Variants in OR52N2 observed in about 807,000 individuals in gnomAD.
OR52N2 encodes olfactory receptor 52N2.
For synonymous variants in OR52N2, 129 were observed against 72.0 expected (o/e 1.79, Z -4.01); for missense variants, 326 against 196.6 (o/e 1.66, Z -3.94).
intron 1 of OR52N2, among the ~76,000 whole-genome samples, chr11:5,816,728 C>T (rs564216882): frequency 9.9e-5 from 15 of 152,104 alleles, no homozygotes; most frequent in South Asian, 2.1e-4. Context: ...TTAGTGGAGA[C>T]GGGTTTCACC....
At chr11:5,809,709 ATT>A (rs1268865102) in intron 1 of OR52N2, among the ~76,000 whole-genome samples, 6 of 152,140 alleles carry the variant, frequency 3.9e-5, no homozygotes, top group African/African-American at 1.4e-4. Flanking sequence ...CTGAAAAATG[ATT>A]ACCATTGCCC....
chr11:5,818,439 A>T (rs1846420710), intron 1 of OR52N2, among the ~76,000 whole-genome samples: 1 of 152,112 alleles, frequency 6.6e-6, no homozygotes, highest in African/African-American at 2.4e-5. Context: ...GAAATTCCCC[A>T]GGGAAACAAA....
intron 1 of OR52N2, among the ~76,000 whole-genome samples, chr11:5,818,030 T>C (rs528671730): frequency 6.6e-6 from 1 of 152,296 alleles, no homozygotes; most frequent in East Asian, 1.9e-4. Flanking sequence ...CTCCATATCA[T>C]CTGCAATTTA....
chr11:5,811,032 G>A (rs961253449), intron 1 of OR52N2, among the ~76,000 whole-genome samples: 4 of 150,992 alleles, frequency 2.6e-5, no homozygotes, highest in Non-Finnish European at 3.0e-5. Flanking sequence ...GGCAAAAGTG[G>A]CTAAACACAA....
At chr11:5,816,982 C>T (rs988536299) in intron 1 of OR52N2, among the ~76,000 whole-genome samples, 1 of 152,062 alleles carries the variant, frequency 6.6e-6, no homozygotes, top group Non-Finnish European at 1.5e-5. Flanking sequence ...GTTTTATAAA[C>T]ACAACTAAAT....
intron 1 of OR52N2, among the ~76,000 whole-genome samples, chr11:5,813,789 C>T (rs758445472): frequency 3.9e-5 from 6 of 152,070 alleles, no homozygotes; most frequent in Non-Finnish European, 8.8e-5. Flanking sequence ...TCTAGTGAAC[C>T]GAATCAACAG....
chr11:5,812,383 T>C (rs1476199705), intron 1 of OR52N2, among the ~76,000 whole-genome samples: 1 of 149,440 alleles, frequency 6.7e-6, no homozygotes, highest in Non-Finnish European at 1.5e-5. Flanking sequence ...TAGTCCCAGC[T>C]ACTCAGGAGG....
chr11:5,809,455 T>C (rs1846334697), intron 1 of OR52N2, among the ~76,000 whole-genome samples: 1 of 152,106 alleles, frequency 6.6e-6, no homozygotes. Flanking sequence ...GATGTGCAGT[T>C]TCCGGGGAAC....
intron 1 of OR52N2, among the ~76,000 whole-genome samples, chr11:5,812,526 AC>A (rs1308262918): frequency 6.6e-6 from 1 of 151,606 alleles, no homozygotes; most frequent in Non-Finnish European, 1.5e-5. Flanking sequence ...ATGAGGAAAA[AC>A]AAAAATTTAA....
intron 1 of OR52N2, among the ~76,000 whole-genome samples, chr11:5,815,759 G>A (rs931278755): frequency 2.6e-5 from 4 of 152,104 alleles, no homozygotes; most frequent in Non-Finnish European, 1.5e-5. Flanking sequence ...TCAGTATGTT[G>A]AAGAGGTGTC....
chr11:5,815,112 A>C lies in OR52N2; in HGVS notation c.-54-5170A>C, dbSNP rs1846391901. 2.6e-5 allele frequency among the ~76,000 whole-genome samples: 4 copies of C among 152,308 alleles called. No homozygotes were observed. The South Asian group carries it at 8.3e-4, about 32-fold the overall frequency. Reference sequence around the variant, plus strand: ...CGTAAAAATAAAACCTAAAATTATGAAACTCTTGGAAGAAAACAAAGAGAA... The same window carrying C: ...CGTAAAAATAAAACCTAAAATTATGCAACTCTTGGAAGAAAACAAAGAGAA... On this transcript the variant is annotated intron_variant, in intron 1 of 1. Coordinates refer to ENST00000317037, the MANE Select transcript of OR52N2 (RefSeq NM_001005174.3).
At chr11:5,809,227 T>C (rs1249635828) in intron 1 of OR52N2, among the ~76,000 whole-genome samples, 173 bp downstream of exon 1, 1 of 152,152 alleles carries the variant, frequency 6.6e-6, no homozygotes, top group East Asian at 1.9e-4. Flanking sequence ...AGGGTGCCAC[T>C]CGCATCAATC....
chr11:5,810,764 T>G (rs1277460092), intron 1 of OR52N2, among the ~76,000 whole-genome samples: 5 of 150,928 alleles, frequency 3.3e-5, no homozygotes, highest in African/African-American at 1.2e-4. Flanking sequence ...TCTGAGTTTA[T>G]AGTACACAAT....
Position 5,821,168 on chromosome 11 carries a change from T to C in OR52N2, c.833T>C (p.Ile278Thr). 1 of 781,036 alleles carries C rather than the reference T, an allele frequency of 1.3e-6. No individual in the cohort carries two copies. The allele number at this position is 781,036 out of a possible 1,614,324, so 48.4% of individuals were successfully genotyped here. The part of the protein sequence containing the change: ...GHNIPNHIHI[I>T]VANLYLLLPP... ...AATATCCCAAACCACATACACATCATCGTGGCCAACCTTTATCTGCTACTG... is the reference window on the plus strand; with the variant it reads ...AATATCCCAAACCACATACACATCACCGTGGCCAACCTTTATCTGCTACTG... Residue 278 changes from isoleucine (I) to threonine (T), a missense_variant, in exon 2 of 2, where the codon ATC becomes ACC. Transcript: ENST00000317037.
At chr11:5,814,778 CAA>C (rs1228350107) in intron 1 of OR52N2, among the ~76,000 whole-genome samples, 2 of 152,070 alleles carry the variant, frequency 1.3e-5, no homozygotes, top group Non-Finnish European at 2.9e-5. Flanking sequence ...CAATCTTGAA[CAA>C]AGAGAAAAGC....
At chr11:5,813,801 A>G (rs1846381927) in intron 1 of OR52N2, among the ~76,000 whole-genome samples, 1 of 152,200 alleles carries the variant, frequency 6.6e-6, no homozygotes, top group South Asian at 2.1e-4. Flanking sequence ...AATCAACAGC[A>G]CAGTAAAAGG....
chr11:5,812,277 G>A (rs1428616328), intron 1 of OR52N2, among the ~76,000 whole-genome samples: 1 of 151,068 alleles, frequency 6.6e-6, no homozygotes, highest in African/African-American at 2.4e-5. Flanking sequence ...GGCGGATCAC[G>A]AGGTCAGGAG....
Position 5,820,711 on chromosome 11 carries a change from G to T in OR52N2, c.376G>T (p.Val126Leu). 1.3e-6 allele frequency: 1 copy of T among 791,650 alleles called. No individual in the cohort carries two copies. The highest frequency in any genetic ancestry group is 2.3e-6 in the Non-Finnish European group (1 of 428,866). The allele number at this position is 791,650 out of a possible 1,614,324, so 49.0% of individuals were successfully genotyped here. Residue 126 changes from valine to leucine, a missense_variant, in exon 2 of 2, where the codon GTG becomes TTG. Physicochemically the swap from Val to Leu is conservative, Grantham distance 32. Transcript: ENST00000317037. ...VLMLMALDRYVAICYPLRYAT... is the reference protein window; with the variant it reads ...VLMLMALDRYLAICYPLRYAT... Reference sequence around the variant, plus strand: ...CATGCTCATGGCCCTGGACCGCTATGTGGCCATCTGCTACCCCTTACGCTA... The same window carrying T: ...CATGCTCATGGCCCTGGACCGCTATTTGGCCATCTGCTACCCCTTACGCTA...
chr11:5,813,402 C>T (rs536212624), intron 1 of OR52N2, among the ~76,000 whole-genome samples: 4 of 152,072 alleles, frequency 2.6e-5, no homozygotes, highest in African/African-American at 7.2e-5. Context: ...TTGGCACTTA[C>T]AACTTACAGA....
Sources: gnomAD v4.1 joint callset for allele counts (sites outside exome capture counted in the v4.1 genomes callset) on GRCh38, gnomAD v4.1.1 for gene constraint, MANE v1.5 for transcripts, NCBI Gene and HGNC (gene_info 2026-07-23, HGNC 2026-07-21) for gene names.